Variants in PCDHGA8 observed in about 807,000 individuals in gnomAD.
PCDHGA8 encodes protocadherin gamma-A8.
Under a neutral mutation model 59.2 loss-of-function variants are expected in PCDHGA8, and 45 were observed. That is an observed-to-expected ratio of 0.76 (90% CI 0.60 to 0.98). The LOEUF is 0.98. Among genes scored for constraint, PCDHGA8 ranks in the 50% least tolerant of loss-of-function variants. PCDHGA8 has a pLI of 0.00. For missense variants in PCDHGA8, 1,257 were observed against 1,196.2 expected (o/e 1.05, Z -0.75); for synonymous variants, 531 against 519.0 (o/e 1.02, Z -0.32).
intron 1 of PCDHGA8, among the ~76,000 whole-genome samples, chr5:141,436,809 A>T (rs2097847373): frequency 6.6e-6 from 1 of 152,242 alleles, no homozygotes; most frequent in Non-Finnish European, 1.5e-5. Context: ...TTTTTGTGAC[A>T]GCTGGTTTAA....
chr5:141,484,788 TAAC>T (rs1245576501), intron 1 of PCDHGA8, among the ~76,000 whole-genome samples: 1 of 151,732 alleles, frequency 6.6e-6, no homozygotes, highest in Non-Finnish European at 1.5e-5. Flanking sequence ...CCCACAGAGA[TAAC>T]AACCCGTGGA....
At chr5:141,463,773 C>A (rs2099069188) in intron 1 of PCDHGA8, among the ~76,000 whole-genome samples, 1 of 152,088 alleles carries the variant, frequency 6.6e-6, no homozygotes, top group Non-Finnish European at 1.5e-5. Context: ...GGGTTAGAAT[C>A]CTGCACTGTC....
At chr5:141,415,024 G>T in intron 1 of PCDHGA8, 1 of 1,613,568 alleles carries the variant, frequency 6.2e-7, no homozygotes, top group Non-Finnish European at 8.5e-7. Flanking sequence ...CAAGGCCAGC[G>T]AGCCGGGACT....
intron 1 of PCDHGA8, among the ~76,000 whole-genome samples, chr5:141,453,217 G>A (rs770914741): frequency 1.2e-4 from 19 of 152,100 alleles, no homozygotes; most frequent in Admixed American, 1.0e-3. Context: ...GCACTTAAGC[G>A]ATCCTCCCAC....
At chr5:141,495,240 C>T (rs2099759761) in intron 2 of PCDHGA8, among the ~76,000 whole-genome samples, 1 of 152,182 alleles carries the variant, frequency 6.6e-6, no homozygotes, top group South Asian at 2.1e-4. Context: ...TCCATTATGA[C>T]CTGGGGCTCA....
chr5:141,408,575 G>A (rs1300122367), intron 1 of PCDHGA8: 4 of 1,613,918 alleles, frequency 2.5e-6, no homozygotes, highest in East Asian at 2.2e-5. Context: ...GGTGATTGAG[G>A]ATGTTAATGA....
intron 1 of PCDHGA8, chr5:141,405,447 T>C (rs2094668355): frequency 7.5e-7 from 1 of 1,339,134 alleles, no homozygotes; most frequent in South Asian, 1.3e-5. Flanking sequence ...TGAGACAGAG[T>C]CTTACTCTGT....
chr5:141,490,565 T>C lies in PCDHGA8; in HGVS notation c.2425-4242T>C. ...CTACACAAACATCTCACCATCAGGC[T>C]CAACATTTCAGATGTCAATGACAAT... On this transcript the variant is annotated intron_variant, in intron 1 of 3. Coordinates refer to ENST00000398604, the MANE Select transcript of PCDHGA8 (RefSeq NM_032088.2). This position sits in a 1 kb window ranked among gnomAD's most constrained non-coding sequence, Gnocchi z 5.4. 8 of 1,614,116 alleles carry C rather than the reference T, an allele frequency of 5.0e-6. No individual in the cohort carries two copies. Among genetic ancestry groups the C allele is most frequent in the Non-Finnish European group, 6.8e-6 (8 of 1,180,024 alleles).
intron 1 of PCDHGA8, chr5:141,419,308 C>G: frequency 6.2e-7 from 1 of 1,614,026 alleles, no homozygotes; most frequent in Non-Finnish European, 8.5e-7. Flanking sequence ...ACTTCGGGCT[C>G]AACGGCCGTG....
chr5:141,433,110 G>C (rs1031253372), intron 1 of PCDHGA8: 1 of 1,614,098 alleles, frequency 6.2e-7, no homozygotes, highest in Middle Eastern at 1.7e-4. Context: ...AGCCAGGAGA[G>C]CTTTGAAAAA....
At position 141,490,753 on chromosome 5, in the gene PCDHGA8, T is replaced by C; in HGVS notation, c.2425-4054T>C. ...TCAGGTTCAGGGAGCCCCAGCCTCC[T>C]CCTTTGTGTATGTCAACCCAGAGGA... On this transcript the variant is annotated intron_variant, in intron 1 of 3. Transcript: ENST00000398604. This position sits in a 1 kb window ranked among gnomAD's most constrained non-coding sequence, Gnocchi z 5.4. 1 of 1,614,184 alleles carries C rather than the reference T, an allele frequency of 6.2e-7. No individual in the cohort carries two copies. The highest frequency in any genetic ancestry group is 8.5e-7 in the Non-Finnish European group (1 of 1,180,024).
chr5:141,449,073 T>C (rs889880816), intron 1 of PCDHGA8, among the ~76,000 whole-genome samples: 1 of 152,246 alleles, frequency 6.6e-6, no homozygotes, highest in African/African-American at 2.4e-5. Flanking sequence ...TGAATAGCCC[T>C]GTACCTACAT....
At chr5:141,399,515 C>G (rs748098945) in intron 1 of PCDHGA8, 1 of 1,614,040 alleles carries the variant, frequency 6.2e-7, no homozygotes, top group Non-Finnish European at 8.5e-7. Context: ...AACAACCCTC[C>G]TGGGGCCTCC....
In PCDHGA8 at chr5:141,418,416, C is replaced by G. The variant is rs377542164; in HGVS notation, c.2424+23179C>G. The G allele has an allele frequency of 2.9e-5, 46 of 1,613,866 alleles. No homozygotes were observed. Among genetic ancestry groups the G allele is most frequent in the Non-Finnish European group, 3.4e-5 (40 of 1,179,880 alleles). ...TTCTCATTGGTGGAGAAAGACAATC[C>G]TGATGGTGGCAAATATCCAGAATTA... On this transcript the variant is annotated intron_variant, in intron 1 of 3. Transcript: ENST00000398604.
chr5:141,417,792 T>C, intron 1 of PCDHGA8: 1 of 1,483,216 alleles, frequency 6.7e-7, no homozygotes, highest in South Asian at 1.4e-5. Flanking sequence ...CCGAATGCTC[T>C]TTTAGCGCGG....
rs765754054 is a variant in PCDHGA8 at position 141,503,598 on chromosome 5, CA to C, written c.2484-1779del. Among the ~76,000 whole-genome samples, 277 of 65,728 alleles carry C rather than the reference CA, an allele frequency of 4.2e-3. 2 individuals are homozygous for C. The highest frequency in any genetic ancestry group is 0.012 in the Middle Eastern group (1 of 86). The allele number at this position is 65,728 out of a possible 152,430, so 43.1% of individuals were successfully genotyped here. A position where few individuals can be genotyped will look rare whatever the true frequency, so the allele number is the denominator to read the frequency against. ...TGGGTGACAGAGCGAGACTCCAGCT[CA>C]AAAAAAAAAAAAAAAGAAAAAAGAA... On this transcript the variant is annotated intron_variant, in intron 2 of 3. Coordinates refer to ENST00000398604, the MANE Select transcript of PCDHGA8 (RefSeq NM_032088.2).
At chr5:141,421,000 A>G (rs2096537102) in intron 1 of PCDHGA8, 1 of 507,878 alleles carries the variant, frequency 2.0e-6, no homozygotes, top group East Asian at 3.3e-5. Flanking sequence ...CTGCTCACCA[A>G]TCAGGGAATG....
intron 1 of PCDHGA8, chr5:141,413,293 C>G: frequency 6.2e-7 from 1 of 1,613,946 alleles, no homozygotes; most frequent in South Asian, 1.1e-5. Context: ...CTACTCAATT[C>G]CTGAGGAATT....
rs1317150359 is a variant in PCDHGA8 at position 141,420,381 on chromosome 5, G to A, written c.2424+25144G>A. On this transcript the variant is annotated intron_variant, in intron 1 of 3. Transcript: ENST00000398604. ...TCTAGATAACTTCTTCATAGAGTTC[G>A]CAAAATATAGGTCAAATTTATGGTT... The A allele has an allele frequency of 1.1e-5, 14 of 1,298,362 alleles. No homozygotes were observed. In the Admixed American group the frequency reaches 1.3e-4, roughly 13 times the overall value. The allele number at this position is 1,298,362 out of a possible 1,614,324, so 80.4% of individuals were successfully genotyped here.
Sources: gnomAD v4.1 joint callset for allele counts (sites outside exome capture counted in the v4.1 genomes callset) on GRCh38, gnomAD v4.1.1 for gene constraint, Gnocchi (gnomAD v3.1) non-coding constraint, MANE v1.5 for transcripts, NCBI Gene and HGNC (gene_info 2026-07-23, HGNC 2026-07-21) for gene names.